The following RPA3 variants were observed in gnomAD, a reference collection of about 807,000 sequenced individuals.
RPA3 encodes the protein replication protein A3.
A neutral mutation model predicts 13.7 loss-of-function variants in RPA3; 24 were observed. That is an observed-to-expected ratio of 1.75 (90% CI 1.27 to 2.46). RPA3 has a LOEUF of 2.46. Ranked by LOEUF, RPA3 falls within the 30% of genes most tolerant of loss-of-function variation. The pLI, the probability that RPA3 is intolerant of heterozygous loss-of-function variation, is 0.00. For synonymous variants in RPA3, 59 were observed against 51.2 expected (o/e 1.15, Z -0.65); for missense variants, 183 against 151.0 (o/e 1.21, Z -1.11).
At chr7:7,662,676 C>T (rs191359070) in intron 4 of RPA3, among the ~76,000 whole-genome samples, 338 of 152,240 alleles carry the variant, frequency 2.2e-3, no homozygotes, top group African/African-American at 7.5e-3. Flanking sequence ...TGAGATGAGC[C>T]GGGTACCTCA....
chr7:7,662,727 A>C (rs989910021), intron 4 of RPA3, among the ~76,000 whole-genome samples: 1 of 150,808 alleles, frequency 6.6e-6, no homozygotes, highest in African/African-American at 2.4e-5. Context: ...TGTTGATCTC[A>C]CTGGGAACTG....
At chr7:7,712,965 C>T (rs540444463) in intron 2 of RPA3, among the ~76,000 whole-genome samples, 24 of 152,022 alleles carry the variant, frequency 1.6e-4, no homozygotes, top group Non-Finnish European at 2.2e-4. Context: ...TTTTATGTAC[C>T]GAATGAATTT....
Position 7,640,578 on chromosome 7 carries a change from G to A in RPA3, c.-160C>T, listed in dbSNP as rs1215375651. 5 of 658,086 alleles carry A rather than the reference G, an allele frequency of 7.6e-6. No individual in the cohort carries two copies. The highest frequency in any genetic ancestry group is 2.5e-5 in the Admixed American group (1 of 39,402). 40.8% of individuals were successfully genotyped at this position (658,086 alleles called of 1,614,324 possible). ...CGGAAACCTAAATCGCAATCGCGCTGTCTCTGAAAGGGGTGGAGAAGGGGC... is the reference window on the plus strand; with the variant it reads ...CGGAAACCTAAATCGCAATCGCGCTATCTCTGAAAGGGGTGGAGAAGGGGC... On this transcript the variant is annotated 5_prime_UTR_variant, in exon 5 of 8. Transcript: ENST00000223129.
At chr7:7,701,051 T>C (rs776468946) in intron 2 of RPA3, among the ~76,000 whole-genome samples, 1 of 152,176 alleles carries the variant, frequency 6.6e-6, no homozygotes, top group African/African-American at 2.4e-5. Flanking sequence ...CCTTGTCTCT[T>C]AAGAAAAAGA....
At position 7,676,443 on chromosome 7, in the gene RPA3, C is replaced by G. The variant is rs561859857; in HGVS notation, c.-758+9387G>C. On this transcript the variant is annotated intron_variant, in intron 4 of 7. Transcript: ENST00000223129. ...GGAATTAGCCCAGGCAATCTGACTT[C>G]AGAACCTATCCTCTAAACCACTGAA... Among the ~76,000 whole-genome samples, 3 of 152,318 alleles carry G rather than the reference C, an allele frequency of 2.0e-5. No individual in the cohort carries two copies. In the South Asian group the frequency reaches 6.2e-4, roughly 32 times the overall value.
At position 7,673,352 on chromosome 7, in the gene RPA3, CA is replaced by C. The variant is rs1779657110; in HGVS notation, c.-758+12477del. Reference sequence around the variant, plus strand: ...GCAGCAGCAGCAGCAGCAGCAGCAGCAGCAGCAGCAGCAGCAGCAATGTTTC... The same window carrying C: ...GCAGCAGCAGCAGCAGCAGCAGCAGCGCAGCAGCAGCAGCAGCAATGTTTC... On this transcript the variant is annotated intron_variant, in intron 4 of 7. Coordinates refer to ENST00000223129, the MANE Select transcript of RPA3 (RefSeq NM_002947.5). 3 of 1,282,292 alleles carry C rather than the reference CA, an allele frequency of 2.3e-6. No homozygotes were observed. In the African/African-American group the frequency reaches 4.5e-5, roughly 19 times the overall value. 79.4% of individuals were successfully genotyped at this position (1,282,292 alleles called of 1,614,324 possible).
intron 4 of RPA3, among the ~76,000 whole-genome samples, chr7:7,684,615 G>A (rs77388601): frequency 0.017 from 2,625 of 152,128 alleles, 78 homozygotes; most frequent in African/African-American, 0.06. Flanking sequence ...AACCTTAGAT[G>A]TTTTTTGAAA....
intron 4 of RPA3, among the ~76,000 whole-genome samples, chr7:7,664,453 C>T (rs939555912): frequency 6.6e-6 from 1 of 152,172 alleles, no homozygotes; most frequent in Non-Finnish European, 1.5e-5. Flanking sequence ...TCTGAATATG[C>T]TGACACTTTC....
intron 4 of RPA3, among the ~76,000 whole-genome samples, chr7:7,674,922 G>A (rs1433779733): frequency 1.3e-5 from 2 of 151,944 alleles, no homozygotes; most frequent in East Asian, 3.9e-4. Flanking sequence ...TTTCCACTCT[G>A]TTATATATTC....
In RPA3 at chr7:7,640,447, G is replaced by A; in HGVS notation, c.-29C>T. 6.2e-7 allele frequency: 1 copy of A among 1,605,654 alleles called. No individual in the cohort carries two copies. Among genetic ancestry groups the A allele is most frequent in the Non-Finnish European group, 8.5e-7 (1 of 1,173,630 alleles). On this transcript the variant is annotated 5_prime_UTR_variant, in exon 5 of 8. Transcript: ENST00000223129. Reference sequence around the variant, plus strand: ...TATGGTCCAAGACTGCGGCTGGCGGGAAACCCACGGACGACTGAAACTGTG... The same window carrying A: ...TATGGTCCAAGACTGCGGCTGGCGGAAAACCCACGGACGACTGAAACTGTG...
intron 4 of RPA3, among the ~76,000 whole-genome samples, chr7:7,671,821 C>T (rs1488336433): frequency 6.6e-6 from 1 of 152,140 alleles, no homozygotes; most frequent in Non-Finnish European, 1.5e-5. Context: ...TCTTTTGTAT[C>T]TATTACTATA....
chr7:7,659,298 A>G (rs1302786380), intron 4 of RPA3, among the ~76,000 whole-genome samples: 5 of 148,776 alleles, frequency 3.4e-5, no homozygotes, highest in South Asian at 4.3e-4. Context: ...TCATGTCTCT[A>G]TCTCCTTCAT....
intron 2 of RPA3, among the ~76,000 whole-genome samples, chr7:7,687,606 A>T (rs1377867146): frequency 6.6e-6 from 1 of 152,212 alleles, no homozygotes; most frequent in Non-Finnish European, 1.5e-5. Flanking sequence ...TGAAGTGTTT[A>T]AAGTGTGCAT....
intron 6 of RPA3, 22 bp from the exon 7 acceptor site, chr7:7,637,994 C>A: frequency 6.4e-7 from 1 of 1,573,474 alleles, no homozygotes; most frequent in Non-Finnish European, 8.7e-7. Flanking sequence ...AACAAGACAT[C>A]GATTTGGTGA....
At chr7:7,648,615 C>T (rs1465607448) in intron 4 of RPA3, among the ~76,000 whole-genome samples, 2 of 152,058 alleles carry the variant, frequency 1.3e-5, no homozygotes, top group African/African-American at 4.8e-5. Context: ...CTTTGGGAGG[C>T]CGAGGCAGGT....
At chr7:7,717,203 T>G (rs896165173) in intron 1 of RPA3, among the ~76,000 whole-genome samples, 15 of 151,932 alleles carry the variant, frequency 9.9e-5, no homozygotes, top group Non-Finnish European at 1.6e-4. Context: ...ACTACCGGTA[T>G]GCGCCACCAC....
chr7:7,706,473 C>T (rs1376822181), intron 2 of RPA3, among the ~76,000 whole-genome samples: 1 of 152,108 alleles, frequency 6.6e-6, no homozygotes, highest in Non-Finnish European at 1.5e-5. Context: ...TATAACAATG[C>T]TAACAATATA....
intron 2 of RPA3, among the ~76,000 whole-genome samples, chr7:7,696,128 C>T (rs748924875): frequency 2.6e-5 from 4 of 151,688 alleles, no homozygotes; most frequent in Admixed American, 6.6e-5. Flanking sequence ...ATTGCAGCCT[C>T]CTGAGTAGCT....
chr7:7,636,670 T>A lies in RPA3; in HGVS notation c.*330A>T. 4.9e-6 allele frequency: 1 copy of A among 203,076 alleles called. No individual in the cohort carries two copies. Among genetic ancestry groups the A allele is most frequent in the South Asian group, 9.6e-5 (1 of 10,370 alleles). The allele number at this position is 203,076 out of a possible 1,614,324, so 12.6% of individuals were successfully genotyped here. A position where few individuals can be genotyped will look rare whatever the true frequency, so the allele number is the denominator to read the frequency against. On this transcript the variant is annotated 3_prime_UTR_variant, in exon 8 of 8. Coordinates refer to ENST00000223129, the MANE Select transcript of RPA3 (RefSeq NM_002947.5). The stretch of plus-strand genomic sequence containing the variant: ...CCTTATGGCTATGAAATTTCAAGTT[T>A]GTGCTTGAATACATGATTAAAAGAA...
Sources: gnomAD v4.1 joint callset for allele counts (sites outside exome capture counted in the v4.1 genomes callset) on GRCh38, gnomAD v4.1.1 for gene constraint, MANE v1.5 for transcripts, NCBI Gene and HGNC (gene_info 2026-07-23, HGNC 2026-07-21) for gene names.